Variants in SMAD3 observed in about 807,000 individuals in gnomAD.
SMAD3 encodes MAD homolog 3.
A neutral mutation model predicts 51.8 loss-of-function variants in SMAD3; 12 were observed. The observed-to-expected ratio is 0.23, with a 90% CI of 0.15 to 0.38. The LOEUF (loss-of-function observed/expected upper bound fraction) is 0.38. SMAD3 is among the 10% of genes least tolerant of loss of function. The pLI is 1.00. For missense variants in SMAD3, 294 were observed against 565.6 expected (o/e 0.52, Z 4.87); for synonymous variants, 238 against 227.7 (o/e 1.05, Z -0.41).
intron 1 of SMAD3, among the ~76,000 whole-genome samples, chr15:67,094,103 G>A (rs567744456): frequency 6.6e-6 from 1 of 152,320 alleles, no homozygotes; most frequent in Admixed American, 6.5e-5. Context: ...CCTGTGGAGG[G>A]GTCCTCAGGG....
chr15:67,138,157 C>CT, intron 1 of SMAD3: 1 of 1,332,666 alleles, frequency 7.5e-7, no homozygotes, highest in Non-Finnish European at 1.1e-6. Context: ...TCTCCCCACC[C>CT]GTCCACAGGG....
rs1182398831 is a variant in SMAD3 at position 67,112,147 on chromosome 15, T to C, written c.206+45787T>C. ...AAATCCTTTAGCCATTTCTTTTTTTTTCTTTCCTTTTTTTTTTTTGAGACA... is the reference window on the plus strand; with the variant it reads ...AAATCCTTTAGCCATTTCTTTTTTTCTCTTTCCTTTTTTTTTTTTGAGACA... On this transcript the variant is annotated intron_variant, in intron 1 of 8. Transcript: ENST00000327367. Among the ~76,000 whole-genome samples the C allele has an allele frequency of 4.7e-5, 3 of 64,476 alleles. No individual in the cohort carries two copies. The Admixed American group carries it at 6.2e-4, about 13-fold the overall frequency. 42.3% of individuals were successfully genotyped at this position (64,476 alleles called of 152,430 possible). A position where few individuals can be genotyped will look rare whatever the true frequency, so the allele number is the denominator to read the frequency against.
chr15:67,071,734 C>T (rs774179370), intron 1 of SMAD3, among the ~76,000 whole-genome samples: 3 of 152,126 alleles, frequency 2.0e-5, no homozygotes, highest in Non-Finnish European at 4.4e-5. Flanking sequence ...ATGGCGTGAA[C>T]CCAGGAGGCG....
intron 1 of SMAD3, among the ~76,000 whole-genome samples, chr15:67,116,762 G>T (rs1018820734): frequency 6.6e-6 from 1 of 152,200 alleles, no homozygotes; most frequent in Non-Finnish European, 1.5e-5. Flanking sequence ...AAGACCCTTG[G>T]TGATGGGGGT....
intron 1 of SMAD3, among the ~76,000 whole-genome samples, chr15:67,090,669 C>T (rs1025895478): frequency 6.6e-6 from 1 of 152,014 alleles, no homozygotes; most frequent in African/African-American, 2.4e-5. Flanking sequence ...AGCTGTTGTC[C>T]CCTGGGATTT....
rs7181877 is a variant in SMAD3, at chr15:67,184,397, G to A, written c.872-330G>A. Among the ~76,000 whole-genome samples the A allele has an allele frequency of 0.22, 33,941 of 152,028 alleles. 4,280 individuals are homozygous for A. Among genetic ancestry groups the A allele is most frequent in the East Asian group, 0.46 (2,375 of 5,156 alleles). The stretch of plus-strand genomic sequence containing the variant: ...TCTGGGATTATTGGTGTGAGCCACC[G>A]CGCCTGGCCCCCATCCCTATCGTAG... On this transcript the variant is annotated intron_variant, in intron 6 of 8. Coordinates refer to ENST00000327367, the MANE Select transcript of SMAD3 (RefSeq NM_005902.4).
At chr15:67,157,068 C>T (rs1172444578) in intron 1 of SMAD3, among the ~76,000 whole-genome samples, 3 of 152,138 alleles carry the variant, frequency 2.0e-5, no homozygotes, top group African/African-American at 7.2e-5. Context: ...AACACAGTAC[C>T]TGGCACATAG....
At chr15:67,086,507 T>G (rs977094466) in intron 1 of SMAD3, among the ~76,000 whole-genome samples, 1 of 152,120 alleles carries the variant, frequency 6.6e-6, no homozygotes, top group Non-Finnish European at 1.5e-5. Flanking sequence ...GGATCCTTAA[T>G]TGGTGTGAAA....
rs1959896251 is a variant in SMAD3, at chr15:67,065,773, G to C, written c.-382G>C. The C allele has an allele frequency of 5.0e-6, 1 of 201,294 alleles. No individual in the cohort carries two copies. The highest frequency in any genetic ancestry group is 6.0e-5 in the Admixed American group (1 of 16,624). The allele number at this position is 201,294 out of a possible 1,614,324, so 12.5% of individuals were successfully genotyped here. The stretch of plus-strand genomic sequence containing the variant: ...TAGCGAGGCGAGCGAAGTTTGGCCG[G>C]GGGTTGGACTTTCCTTCCCGGAGGC... On this transcript the variant is annotated 5_prime_UTR_variant, in exon 1 of 9. Coordinates refer to ENST00000327367, the MANE Select transcript of SMAD3 (RefSeq NM_005902.4).
chr15:67,165,132 T>A (rs1037057975), intron 2 of SMAD3, 44 bp downstream of exon 2: 1 of 1,610,020 alleles, frequency 6.2e-7, no homozygotes, highest in Non-Finnish European at 8.5e-7. Flanking sequence ...GTGCCAGGGG[T>A]CATCACCTCT....
intron 1 of SMAD3, among the ~76,000 whole-genome samples, chr15:67,110,768 CT>C (rs1345861626): frequency 1.3e-5 from 2 of 152,188 alleles, no homozygotes; most frequent in Non-Finnish European, 2.9e-5. Flanking sequence ...TATGACCAAT[CT>C]TTTCTTTAAA....
At chr15:67,111,446 C>T (rs143764634) in intron 1 of SMAD3, among the ~76,000 whole-genome samples, 120 of 152,226 alleles carry the variant, frequency 7.9e-4, no homozygotes, top group African/African-American at 2.8e-3. Flanking sequence ...AATGCTGCTA[C>T]GAATATTTGT....
chr15:67,082,899 TAA>T (rs1217376333), intron 1 of SMAD3, among the ~76,000 whole-genome samples: 1 of 152,204 alleles, frequency 6.6e-6, no homozygotes, highest in Non-Finnish European at 1.5e-5. Flanking sequence ...CTTGCTTGAT[TAA>T]AAGAGTTACA....
chr15:67,165,512 G>A lies in SMAD3; in HGVS notation c.532+128G>A, dbSNP rs2289259. 0.098 allele frequency: 112,160 copies of A among 1,142,664 alleles called. 10,213 individuals carry two copies. The highest frequency in any genetic ancestry group is 0.35 in the African/African-American group (22,821 of 65,904). 70.8% of individuals were successfully genotyped at this position (1,142,664 alleles called of 1,614,324 possible). A position where few individuals can be genotyped will look rare whatever the true frequency, so the allele number is the denominator to read the frequency against. ...TCACCCCCTCTTTGCGCACAGCTCT[G>A]GCCTGAGGGCCCCTGACTCAGAACC... On this transcript the variant is annotated intron_variant, in intron 3 of 8. Coordinates refer to ENST00000327367, the MANE Select transcript of SMAD3 (RefSeq NM_005902.4).
At chr15:67,082,548 T>G (rs192676824) in intron 1 of SMAD3, among the ~76,000 whole-genome samples, 1 of 152,366 alleles carries the variant, frequency 6.6e-6, no homozygotes, top group Non-Finnish European at 1.5e-5. Flanking sequence ...TCTCTCTTGT[T>G]TTGAATCTGC....
At chr15:67,141,285 A>G (rs922345083) in intron 1 of SMAD3, among the ~76,000 whole-genome samples, 4 of 152,316 alleles carry the variant, frequency 2.6e-5, no homozygotes, top group East Asian at 3.9e-4. Context: ...GTGTTGTGCC[A>G]TGTTTCCTAG....
intron 1 of SMAD3, among the ~76,000 whole-genome samples, chr15:67,082,354 C>T (rs986704240): frequency 1.3e-5 from 2 of 152,182 alleles, no homozygotes; most frequent in African/African-American, 4.8e-5. Context: ...ATTTCTGTCT[C>T]CACCCCTCCA....
chr15:67,099,302 C>T (rs1941150247), intron 1 of SMAD3, among the ~76,000 whole-genome samples: 1 of 152,204 alleles, frequency 6.6e-6, no homozygotes, highest in African/African-American at 2.4e-5. Flanking sequence ...GCTCAGACAG[C>T]TGCATAGTAT....
chr15:67,181,977 G>T (rs777620651), intron 6 of SMAD3, among the ~76,000 whole-genome samples: 6 of 152,014 alleles, frequency 3.9e-5, no homozygotes, highest in Non-Finnish European at 7.4e-5. Context: ...AGTAGAGACG[G>T]GGTTTCTCCA....
Sources: allele counts gnomAD v4.1 joint callset (sites outside exome capture counted in the v4.1 genomes callset), GRCh38; gene constraint gnomAD v4.1.1; transcripts MANE v1.5; gene names NCBI Gene and HGNC (gene_info 2026-07-23, HGNC 2026-07-21).